TF: variants seen among roughly 807,000 people sequenced by gnomAD.
TF encodes transferrin, also known as serotransferrin.
A neutral mutation model predicts 82.4 loss-of-function variants in TF; 55 were observed. The ratio of observed to expected loss-of-function variants is 0.67; its 90% CI spans 0.54 to 0.84. The LOEUF (loss-of-function observed/expected upper bound fraction) is 0.84, where lower values mean the gene tolerates loss of function less well. Ranked by LOEUF, TF falls within the 40% of genes least tolerant of loss-of-function variation. The pLI, the probability that TF is intolerant of heterozygous loss-of-function variation, is 0.00. For missense variants in TF, 737 were observed against 868.4 expected, an observed-to-expected ratio of 0.85 and a Z score of 1.90; for synonymous variants, 332 against 332.6, an observed-to-expected ratio of 1.00 and a Z score of 0.02.
intron 4 of TF, among the ~76,000 whole-genome samples, chr3:133,754,970 C>T (rs1933784806): frequency 6.6e-6 from 1 of 152,222 alleles, no homozygotes; most frequent in East Asian, 1.9e-4. Flanking sequence ...TTGTCCACTT[C>T]TCTGGATTTC....
At chr3:133,718,634 G>A in the TF span, among the ~76,000 whole-genome samples, 1 of 152,154 alleles carries the variant, frequency 6.6e-6, no homozygotes, top group Admixed American at 6.5e-5. Flanking sequence ...ATCTCCTGGA[G>A]GTCTTGTTAA....
At chr3:133,739,974 C>T in the TF span, among the ~76,000 whole-genome samples, 2 of 152,146 alleles carry the variant, frequency 1.3e-5, no homozygotes, top group African/African-American at 4.8e-5. Flanking sequence ...CCAGCAATCC[C>T]ATTACTGGGT....
chr3:133,704,702 A>G, the TF span, among the ~76,000 whole-genome samples: 2 of 151,548 alleles, frequency 1.3e-5, no homozygotes, highest in Non-Finnish European at 2.9e-5. Flanking sequence ...GACCCAAACA[A>G]CTCTCTCCCC....
intron 9 of TF, chr3:133,760,481 A>T (rs983268512): frequency 3.9e-5 from 6 of 154,300 alleles, no homozygotes; most frequent in Non-Finnish European, 7.2e-5. Flanking sequence ...AAAGCCTACA[A>T]ATTCAAAACC....
In TF at chr3:133,757,945, A is replaced by G; in HGVS notation, c.1047A>G (p.Thr349=). Residue 349 remains threonine (T), a splice_region_variant and synonymous_variant, in exon 8 of 17, where the codon ACA becomes ACG. Coordinates refer to ENST00000402696, the MANE Select transcript of TF (RefSeq NM_001063.4). The part of the protein sequence containing the change: ...VTAIRNLREG[T]CPEAPTDECK... Reference sequence around the variant, plus strand: ...CCATCCGGAATCTACGGGAAGGCACATGTGAGTACCTGGGAAGAACCAGGT... The same window carrying G: ...CCATCCGGAATCTACGGGAAGGCACGTGTGAGTACCTGGGAAGAACCAGGT... 1 of 1,614,088 alleles carries G rather than the reference A, an allele frequency of 6.2e-7. No homozygotes were observed. The highest frequency in any genetic ancestry group is 8.5e-7 in the Non-Finnish European group (1 of 1,179,986).
At chr3:133,680,157 G>C in the TF span, among the ~76,000 whole-genome samples, 1 of 151,898 alleles carries the variant, frequency 6.6e-6, no homozygotes, top group African/African-American at 2.4e-5. Context: ...TTTTTTAAAT[G>C]ATGGGAGGCT....
chr3:133,728,141 T>C, the TF span, among the ~76,000 whole-genome samples: 2 of 152,098 alleles, frequency 1.3e-5, no homozygotes, highest in African/African-American at 4.8e-5. Context: ...CTTGGAGTTG[T>C]TCTTCTCGAG....
chr3:133,696,549 A>G, the TF span, among the ~76,000 whole-genome samples: 1 of 152,204 alleles, frequency 6.6e-6, no homozygotes, highest in South Asian at 2.1e-4. Flanking sequence ...AACAAATTTT[A>G]TGAACATTTA....
In TF at chr3:133,754,717, CCAGATGCCCACA is replaced by C. The variant is rs751310371; in HGVS notation, c.502+50_502+61del. ...GTGCCCTCGAGCAGCTGCCTCTGCTCCAGATGCCCACACAGGCTGCACTAGACAGTCACCATC... is the reference window on the plus strand; with the variant it reads ...GTGCCCTCGAGCAGCTGCCTCTGCTCCAGGCTGCACTAGACAGTCACCATC... On this transcript the variant is annotated intron_variant, in intron 4 of 16. Coordinates refer to ENST00000402696, the MANE Select transcript of TF (RefSeq NM_001063.4). The C allele has an allele frequency of 2.1e-5, 33 of 1,594,724 alleles. 2 individuals are homozygous for C. In the South Asian group the frequency reaches 3.5e-4, roughly 17 times the overall value.
At chr3:133,711,156 T>G in the TF span, among the ~76,000 whole-genome samples, 5,398 of 152,256 alleles carry the variant, frequency 0.035, 304 homozygotes, top group African/African-American at 0.12. Context: ...TAAATGAAAC[T>G]CTTTTTCCCA....
At chr3:133,700,407 G>C in the TF span, among the ~76,000 whole-genome samples, 2 of 152,222 alleles carry the variant, frequency 1.3e-5, no homozygotes, top group Non-Finnish European at 2.9e-5. Flanking sequence ...TTGGTTTTTG[G>C]AGGCCAGAAA....
At chr3:133,675,198 T>G in the TF span, among the ~76,000 whole-genome samples, 41 of 125,672 alleles carry the variant, frequency 3.3e-4, no homozygotes, top group African/African-American at 1.2e-3. Context: ...TGAGCCGAGA[T>G]CACGCCACTG....
At chr3:133,776,427 C>T (rs1934392707) in intron 15 of TF, among the ~76,000 whole-genome samples, 1 of 152,142 alleles carries the variant, frequency 6.6e-6, no homozygotes, top group Non-Finnish European at 1.5e-5. Context: ...GTTGATTCAC[C>T]ATTACCTTTT....
At chr3:133,737,149 G>A in the TF span, among the ~76,000 whole-genome samples, 1 of 152,122 alleles carries the variant, frequency 6.6e-6, no homozygotes, top group South Asian at 2.1e-4. Context: ...TTGGAACTCA[G>A]GATTAAGAAA....
At chr3:133,728,670 C>T in the TF span, among the ~76,000 whole-genome samples, 3 of 152,224 alleles carry the variant, frequency 2.0e-5, no homozygotes, top group Non-Finnish European at 4.4e-5. Context: ...AGTCCTTTTC[C>T]ATCCAGCTTT....
At chr3:133,725,292 G>T in the TF span, among the ~76,000 whole-genome samples, 19 of 152,214 alleles carry the variant, frequency 1.2e-4, no homozygotes, top group African/African-American at 3.4e-4. Context: ...CCATGAGCAT[G>T]GAAGGTTCTT....
the TF span, chr3:133,662,223 A>G: frequency 1.3e-5 from 2 of 152,248 alleles, no homozygotes; most frequent in South Asian, 4.1e-4. Context: ...TTTCCTCAAT[A>G]GATATTTATT....
At position 133,778,825 on chromosome 3, in the gene TF, A is replaced by G. The variant is rs1025034479; in HGVS notation, c.*205A>G. The G allele has an allele frequency of 8.0e-6, 4 of 497,648 alleles. No individual in the cohort carries two copies. In the Admixed American group the frequency reaches 9.9e-5, roughly 12 times the overall value. 30.8% of individuals were successfully genotyped at this position (497,648 alleles called of 1,614,324 possible). ...CATTCTTTCCTAAATATTTTCAACAAAGGATTTCTTTATGCATTCTGCCTA... is the reference window on the plus strand; with the variant it reads ...CATTCTTTCCTAAATATTTTCAACAGAGGATTTCTTTATGCATTCTGCCTA... On this transcript the variant is annotated 3_prime_UTR_variant, in exon 17 of 17. Coordinates refer to ENST00000402696, the MANE Select transcript of TF (RefSeq NM_001063.4).
At position 133,775,621 on chromosome 3, in the gene TF, T is replaced by C; in HGVS notation, c.1872+4T>C. 3.1e-6 allele frequency: 5 copies of C among 1,613,830 alleles called. No individual in the cohort carries two copies. Among genetic ancestry groups the C allele is most frequent in the Non-Finnish European group, 4.2e-6 (5 of 1,179,978 alleles). On this transcript the variant is annotated splice_donor_region_variant and intron_variant, in intron 15 of 16. Coordinates refer to ENST00000402696, the MANE Select transcript of TF (RefSeq NM_001063.4). ...CAAGATATTACGTCAACAGCAGGTA[T>C]GGACCAGCCAGGTCCTCCCACCTTT... is the stretch of plus-strand genomic sequence containing the variant.
Sources: gnomAD v4.1 joint callset for allele counts (sites outside exome capture counted in the v4.1 genomes callset) on GRCh38, gnomAD v4.1.1 for gene constraint, MANE v1.5 for transcripts, NCBI Gene and HGNC (gene_info 2026-07-23, HGNC 2026-07-21) for gene names.